CNTN5: variants seen among roughly 807,000 people sequenced by gnomAD.
CNTN5 encodes contactin 5.
A neutral mutation model predicts 129.1 loss-of-function variants in CNTN5; 77 were observed. That is an observed-to-expected ratio of 0.60 (90% confidence interval 0.50 to 0.72). The LOEUF is 0.72. CNTN5 is among the 30% of genes least tolerant of loss of function. CNTN5 has a pLI of 0.00. For synonymous variants in CNTN5, 509 were observed against 465.6 expected, an observed-to-expected ratio of 1.09 and a Z score of -1.20; for missense variants, 1,478 against 1,328.8, an observed-to-expected ratio of 1.11 and a Z score of -1.75.
chr11:100,203,987 G>T (rs1948850587), intron 15 of CNTN5, among the ~76,000 whole-genome samples: 1 of 151,654 alleles, frequency 6.6e-6, no homozygotes. Context: ...TGACTTGTAA[G>T]CTTTGCAAAC....
chr11:99,115,412 A>G lies in CNTN5; in HGVS notation c.-210+94142A>G, dbSNP rs943407413. Reference sequence around the variant, plus strand: ...TATACATTTTTAAAATTTAGAGGTAAAATATAAATTAGAAATCAGTGTTGA... The same window carrying G: ...TATACATTTTTAAAATTTAGAGGTAGAATATAAATTAGAAATCAGTGTTGA... On this transcript the variant is annotated intron_variant, in intron 1 of 24. Transcript: ENST00000524871. 3.9e-5 allele frequency among the ~76,000 whole-genome samples: 6 copies of G among 152,258 alleles called. No individual in the cohort carries two copies. In the East Asian group the frequency reaches 1.2e-3, roughly 29 times the overall value.
At chr11:99,559,206 C>T (rs1389887335) in intron 3 of CNTN5, among the ~76,000 whole-genome samples, 6 of 152,020 alleles carry the variant, frequency 3.9e-5, no homozygotes, top group Admixed American at 2.6e-4. Context: ...ATTACTATTA[C>T]GAAAATGAGG....
chr11:99,971,001 A>T (rs1951235790), intron 8 of CNTN5, among the ~76,000 whole-genome samples: 1 of 152,218 alleles, frequency 6.6e-6, no homozygotes. Flanking sequence ...AAAGATCATG[A>T]AATTAGTTAC....
At chr11:100,034,942 C>T (rs1050283960) in intron 9 of CNTN5, among the ~76,000 whole-genome samples, 6 of 152,032 alleles carry the variant, frequency 3.9e-5, no homozygotes, top group Non-Finnish European at 4.4e-5. Context: ...AAGCAACAAC[C>T]ATACAAAACT....
At chr11:99,598,213 C>G (rs1200699482) in intron 3 of CNTN5, among the ~76,000 whole-genome samples, 1 of 146,124 alleles carries the variant, frequency 6.8e-6, no homozygotes, top group Non-Finnish European at 1.5e-5. Context: ...CAGGCGGGAA[C>G]CTTTTCTTCC....
chr11:99,941,586 A>ACACACACACACACACACACACACAC (rs1555163260), intron 7 of CNTN5, among the ~76,000 whole-genome samples: 11 of 152,010 alleles, frequency 7.2e-5, no homozygotes, highest in South Asian at 4.2e-4. Context: ...ACACACACAC[A>ACACACACACACACACACACACACAC]AAGAGAAAGA....
chr11:100,333,309 G>T (rs1951947689), intron 21 of CNTN5, among the ~76,000 whole-genome samples: 1 of 148,224 alleles, frequency 6.7e-6, no homozygotes, highest in African/African-American at 2.5e-5. Flanking sequence ...CTCATGGATG[G>T]GTAGAATCAA....
At chr11:100,001,006 G>A (rs900010551) in intron 8 of CNTN5, among the ~76,000 whole-genome samples, 2 of 152,150 alleles carry the variant, frequency 1.3e-5, no homozygotes, top group Non-Finnish European at 2.9e-5. Flanking sequence ...TCCCTCCTAG[G>A]CGTCCAGGCC....
chr11:99,683,893 A>G (rs1591475469), intron 3 of CNTN5, among the ~76,000 whole-genome samples: 2 of 151,926 alleles, frequency 1.3e-5, no homozygotes, highest in East Asian at 3.9e-4. Context: ...CACACTGTGG[A>G]ATGGCTACAC....
Position 99,455,353 on chromosome 11 carries a change from C to A in CNTN5, c.-70-100792C>A, listed in dbSNP as rs192047322. Among the ~76,000 whole-genome samples, 19 of 151,664 alleles carry A rather than the reference C, an allele frequency of 1.3e-4. 1 individual carries two copies. The highest frequency in any genetic ancestry group is 1.3e-3 in the Admixed American group (19 of 15,198). On this transcript the variant is annotated intron_variant, in intron 2 of 24. Coordinates refer to ENST00000524871, the MANE Select transcript of CNTN5 (RefSeq NM_014361.4). ...CCATTAACAGTATATAAAATTTTGA[C>A]ATTCAGTGGGCAACTAGAAATAAAA...
intron 2 of CNTN5, among the ~76,000 whole-genome samples, chr11:99,407,609 T>C (rs1942137124): frequency 6.6e-6 from 1 of 152,182 alleles, no homozygotes; most frequent in African/African-American, 2.4e-5. Flanking sequence ...CAACTGGCTC[T>C]TGGTCCAGTT....
intron 8 of CNTN5, among the ~76,000 whole-genome samples, chr11:99,968,577 G>A (rs1951158148): frequency 6.6e-6 from 1 of 150,584 alleles, no homozygotes; most frequent in Non-Finnish European, 1.5e-5. Context: ...CTCAACAATG[G>A]AATGTAGCAA....
At chr11:99,994,236 T>A (rs1939305130) in intron 8 of CNTN5, among the ~76,000 whole-genome samples, 1 of 152,204 alleles carries the variant, frequency 6.6e-6, no homozygotes, top group South Asian at 2.1e-4. Context: ...GGATCTGATC[T>A]GACTCATATC....
At chr11:99,396,362 A>G (rs996670567) in intron 2 of CNTN5, among the ~76,000 whole-genome samples, 1 of 151,780 alleles carries the variant, frequency 6.6e-6, no homozygotes, top group Middle Eastern at 3.4e-3. Flanking sequence ...TAAATAAAAT[A>G]TAGAGAAACT....
chr11:99,326,149 G>T (rs1026902924), intron 2 of CNTN5, among the ~76,000 whole-genome samples: 2 of 152,138 alleles, frequency 1.3e-5, no homozygotes, highest in African/African-American at 4.8e-5. Context: ...AAAATACTTT[G>T]AAATACATCA....
intron 3 of CNTN5, among the ~76,000 whole-genome samples, chr11:99,754,784 A>G (rs2135242813): frequency 6.6e-6 from 1 of 152,278 alleles, no homozygotes; most frequent in Non-Finnish European, 1.5e-5. Context: ...CCAGATCAGT[A>G]GTTTACATTA....
chr11:100,046,173 A>G (rs1000840992), intron 9 of CNTN5, among the ~76,000 whole-genome samples: 1 of 151,662 alleles, frequency 6.6e-6, no homozygotes, highest in Non-Finnish European at 1.5e-5. Flanking sequence ...GCTTTAGGAG[A>G]TATACCTAAT....
At position 99,449,880 on chromosome 11, in the gene CNTN5, T is replaced by C. The variant is rs561856798; in HGVS notation, c.-70-106265T>C. Among the ~76,000 whole-genome samples the C allele has an allele frequency of 1.2e-4, 18 of 152,288 alleles. 1 individual carries two copies. In the South Asian group the frequency reaches 3.7e-3, roughly 32 times the overall value. On this transcript the variant is annotated intron_variant, in intron 2 of 24. Coordinates refer to ENST00000524871, the MANE Select transcript of CNTN5 (RefSeq NM_014361.4). ...GTCTGTTGGCAAAGCCCAGAATCAG[T>C]GTGGGAAGGGTCTATGGTCATGGAT...
At chr11:99,947,133 G>A (rs1293611691) in intron 7 of CNTN5, among the ~76,000 whole-genome samples, 1 of 151,640 alleles carries the variant, frequency 6.6e-6, no homozygotes, top group South Asian at 2.1e-4. Context: ...GAAACCCCTT[G>A]TAGAATAAGA....
Sources: gnomAD v4.1 joint callset for allele counts (sites outside exome capture counted in the v4.1 genomes callset) on GRCh38, gnomAD v4.1.1 for gene constraint, MANE v1.5 for transcripts, NCBI Gene and HGNC (gene_info 2026-07-23, HGNC 2026-07-21) for gene names.